Variants in SLC16A12 observed in about 807,000 individuals in gnomAD.
SLC16A12 encodes the protein solute carrier family 16 member 12, also known as monocarboxylate transporter 12.
Under a neutral mutation model 42.4 loss-of-function variants are expected in SLC16A12, and 17 were observed. That is an observed-to-expected ratio of 0.40 (90% CI 0.27 to 0.60). The LOEUF (loss-of-function observed/expected upper bound fraction) is 0.60, where lower values mean the gene tolerates loss of function less well. Among genes scored for constraint, SLC16A12 ranks in the 20% least tolerant of loss-of-function variants. The pLI is 0.42. For synonymous variants in SLC16A12, 224 were observed against 229.4 expected, an observed-to-expected ratio of 0.98 and a Z score of 0.21; for missense variants, 544 against 623.0, an observed-to-expected ratio of 0.87 and a Z score of 1.35.
At chr10:89,443,651 A>C in intron 4 of SLC16A12, 105 bp downstream of exon 4, 1 of 839,964 alleles carries the variant, frequency 1.2e-6, no homozygotes, top group Non-Finnish European at 2.0e-6. Context: ...TTTTTAATGT[A>C]GCCCTTCTAC....
intron 2 of SLC16A12, among the ~76,000 whole-genome samples, chr10:89,478,441 C>G (rs917256602): frequency 6.6e-6 from 1 of 152,160 alleles, no homozygotes; most frequent in Non-Finnish European, 1.5e-5. Flanking sequence ...GTGTTGCATA[C>G]CAGTGTGATC....
intron 2 of SLC16A12, among the ~76,000 whole-genome samples, chr10:89,522,958 TTTA>T (rs1467455065): frequency 6.6e-6 from 1 of 152,220 alleles, no homozygotes; most frequent in African/African-American, 2.4e-5. Context: ...TTTCTTTCAG[TTTA>T]TTATTTTCCT....
At chr10:89,470,089 T>A (rs577370229) in intron 2 of SLC16A12, among the ~76,000 whole-genome samples, 3 of 152,304 alleles carry the variant, frequency 2.0e-5, no homozygotes, top group African/African-American at 7.2e-5. Flanking sequence ...CTTATGTCAT[T>A]AAGACTAAGT....
chr10:89,538,974 T>C (rs912992670), upstream of SLC16A12, among the ~76,000 whole-genome samples: 4 of 152,204 alleles, frequency 2.6e-5, no homozygotes, highest in Admixed American at 2.6e-4. Flanking sequence ...GTCCTCCAGG[T>C]GATATCTAAT....
intron 2 of SLC16A12, among the ~76,000 whole-genome samples, chr10:89,530,456 T>C (rs757369945): frequency 2.6e-5 from 4 of 151,972 alleles, no homozygotes; most frequent in South Asian, 2.1e-4. Flanking sequence ...CTCGCTCTGT[T>C]GCCCAGGCTG....
intron 3 of SLC16A12, among the ~76,000 whole-genome samples, chr10:89,454,087 G>C (rs1842139845): frequency 6.6e-6 from 1 of 151,780 alleles, no homozygotes; most frequent in Non-Finnish European, 1.5e-5. Flanking sequence ...GTGCAGTGGT[G>C]TGATCACTGC....
intron 2 of SLC16A12, among the ~76,000 whole-genome samples, chr10:89,479,089 T>C (rs1302688790): frequency 6.6e-6 from 1 of 152,224 alleles, no homozygotes; most frequent in African/African-American, 2.4e-5. Context: ...TGTCACTTAG[T>C]GTCTCAGTGC....
rs199951554 is a variant in SLC16A12 at position 89,491,852 on chromosome 10, AG to A, written c.-46-29229del. 7.0e-3 allele frequency among the ~76,000 whole-genome samples: 1,064 copies of A among 152,336 alleles called. 5 individuals carry two copies. The highest frequency in any genetic ancestry group is 0.014 in the Middle Eastern group (4 of 294). On this transcript the variant is annotated intron_variant, in intron 2 of 7. Coordinates refer to ENST00000371790, the MANE Select transcript of SLC16A12 (RefSeq NM_213606.4). The stretch of plus-strand genomic sequence containing the variant: ...ACTGAACAATTTTTAAAGGGAAAGT[AG>A]AAGTCGAAAAATAAAGCTGCAGTTT...
At chr10:89,547,143 C>T (rs530666092) in intron 2 of SLC16A12, among the ~76,000 whole-genome samples, 1 of 152,172 alleles carries the variant, frequency 6.6e-6, no homozygotes, top group South Asian at 2.1e-4. Flanking sequence ...GCACATGTAT[C>T]CCCATTTTTT....
intron 3 of SLC16A12, among the ~76,000 whole-genome samples, chr10:89,447,198 C>T (rs1382344327): frequency 4.6e-5 from 7 of 152,096 alleles, no homozygotes; most frequent in African/African-American, 1.7e-4. Context: ...GACAGATCAA[C>T]GAGACAGAAG....
rs1380432207 is a variant in SLC16A12 at position 89,433,267 on chromosome 10, T to C, written c.1348A>G (p.Met450Val). 4 of 1,614,094 alleles carry C rather than the reference T, an allele frequency of 2.5e-6. No homozygotes were observed. Among genetic ancestry groups the C allele is most frequent in the Non-Finnish European group, 3.4e-6 (4 of 1,180,046 alleles). ...CCAAGCAACACAGAACTAAATATCA[T>C]TGAAAATCCACAGAGGAGGAATGCT... ...TAAFLLCGFSMIFSSVLLGFA... is the reference protein window; with the variant it reads ...TAAFLLCGFSVIFSSVLLGFA... The change falls in exon 8 of 8, where the codon ATG becomes GTG. Residue 450 changes from methionine to valine, a missense_variant. Transcript: ENST00000371790.
At chr10:89,498,045 C>G (rs1047946821) in intron 2 of SLC16A12, among the ~76,000 whole-genome samples, 4 of 152,114 alleles carry the variant, frequency 2.6e-5, no homozygotes, top group African/African-American at 9.7e-5. Flanking sequence ...CGCGGTGGCT[C>G]ATACCTGTAA....
intron 2 of SLC16A12, among the ~76,000 whole-genome samples, chr10:89,502,278 G>A (rs1197455367): frequency 2.6e-5 from 4 of 151,816 alleles, no homozygotes; most frequent in Non-Finnish European, 5.9e-5. Flanking sequence ...GTGAAACCCC[G>A]TCTCTACTAA....
chr10:89,491,129 T>C (rs1842840499), intron 2 of SLC16A12, among the ~76,000 whole-genome samples: 2 of 152,202 alleles, frequency 1.3e-5, no homozygotes, highest in Non-Finnish European at 2.9e-5. Context: ...CCACTCTCCA[T>C]GAGGCAAAAG....
In SLC16A12 at chr10:89,462,515, G is replaced by T. The variant is rs1208759078; in HGVS notation, c.64C>A (p.Pro22Thr). Reference protein sequence around the residue: ...SKIITWLLEQPGKEEKRKTMA... With the variant: ...SKIITWLLEQTGKEEKRKTMA... Reference sequence around the variant, plus strand: ...GTTTTTCTTTTTTCTTCTTTTCCAGGTTGCTCCAACAGCCAAGTTATGATC... The same window carrying T: ...GTTTTTCTTTTTTCTTCTTTTCCAGTTTGCTCCAACAGCCAAGTTATGATC... Residue 22 changes from proline (P) to threonine (T), a missense_variant, in exon 3 of 8, where the codon CCT becomes ACT. Coordinates refer to ENST00000371790, the MANE Select transcript of SLC16A12 (RefSeq NM_213606.4). The T allele has an allele frequency of 1.2e-6, 2 of 1,613,652 alleles. No individual in the cohort carries two copies. The highest frequency in any genetic ancestry group is 1.7e-5 in the Admixed American group (1 of 59,966).
intron 2 of SLC16A12, among the ~76,000 whole-genome samples, chr10:89,515,763 G>A (rs969184620): frequency 2.0e-5 from 3 of 152,122 alleles, no homozygotes; most frequent in African/African-American, 7.2e-5. Flanking sequence ...CATAACTGTG[G>A]CCATGGTAAA....
intron 2 of SLC16A12, among the ~76,000 whole-genome samples, chr10:89,554,551 G>C (rs1361618432): frequency 6.6e-6 from 1 of 152,192 alleles, no homozygotes. Flanking sequence ...TAAAATATTT[G>C]AGGTTGTGGG....
chr10:89,452,792 G>T (rs1377308415), intron 3 of SLC16A12, among the ~76,000 whole-genome samples: 1 of 152,210 alleles, frequency 6.6e-6, no homozygotes, highest in African/African-American at 2.4e-5. Flanking sequence ...GAACTGCAAT[G>T]CAGGCCTAAC....
chr10:89,430,419 A>T lies in SLC16A12; in HGVS notation c.*2645T>A. ...GCCCAATCATACAGTGTATCTACAA[A>T]GTTAGATAATGTCTTCTGATTTTCT... On this transcript the variant is annotated 3_prime_UTR_variant, in exon 8 of 8. Transcript: ENST00000371790. 3 of 290,826 alleles carry T rather than the reference A, an allele frequency of 1.0e-5. No individual in the cohort carries two copies. The highest frequency in any genetic ancestry group is 9.7e-5 in the South Asian group (3 of 30,906). The allele number at this position is 290,826 out of a possible 1,614,324, so 18.0% of individuals were successfully genotyped here.
Sources: gnomAD v4.1 joint callset for allele counts (sites outside exome capture counted in the v4.1 genomes callset) on GRCh38, gnomAD v4.1.1 for gene constraint, MANE v1.5 for transcripts, NCBI Gene and HGNC (gene_info 2026-07-23, HGNC 2026-07-21) for gene names.